Variants in BBS9 observed in about 807,000 individuals in gnomAD.
BBS9 encodes protein PTHB1.
BBS9 carries 89 observed loss-of-function variants against 117.7 expected under a neutral mutation model. That is an observed-to-expected ratio of 0.76 (90% CI 0.64 to 0.90). The LOEUF (loss-of-function observed/expected upper bound fraction) is 0.90. Among genes scored for constraint, BBS9 ranks in the 40% least tolerant of loss-of-function variants. BBS9 has a pLI of 0.00. For missense variants in BBS9, 982 were observed against 1,042.2 expected, an observed-to-expected ratio of 0.94 and a Z score of 0.80; for synonymous variants, 379 against 370.9, an observed-to-expected ratio of 1.02 and a Z score of -0.25.
intron 19 of BBS9, among the ~76,000 whole-genome samples, chr7:33,417,015 T>A (rs1401199070): frequency 6.6e-6 from 1 of 152,166 alleles, no homozygotes; most frequent in Non-Finnish European, 1.5e-5. Context: ...AAAATGTAAT[T>A]GAAATGGTTT....
chr7:33,408,541 G>A (rs183006127), intron 19 of BBS9, among the ~76,000 whole-genome samples: 5 of 152,238 alleles, frequency 3.3e-5, no homozygotes, highest in African/African-American at 1.2e-4. Flanking sequence ...GCTCACGCTG[G>A]GAGCTGTAGA....
At chr7:33,353,386 C>G (rs79650219) in intron 15 of BBS9, among the ~76,000 whole-genome samples, 10,442 of 152,162 alleles carry the variant, frequency 0.069, 404 homozygotes, top group African/African-American at 0.08. Flanking sequence ...CTCCCTCTAA[C>G]TTGCTTGGGT....
intron 19 of BBS9, among the ~76,000 whole-genome samples, chr7:33,421,196 T>C (rs1832810443): frequency 6.6e-6 from 1 of 151,700 alleles, no homozygotes; most frequent in African/African-American, 2.4e-5. Context: ...TTTTTTTTAC[T>C]GTAAACAAAT....
chr7:33,622,838 A>AAT (rs1865473692), intron 21 of BBS9, among the ~76,000 whole-genome samples: 1 of 152,238 alleles, frequency 6.6e-6, no homozygotes, highest in Non-Finnish European at 1.5e-5. Flanking sequence ...AGTTTTCAAT[A>AAT]AGTGTTGCTG....
chr7:33,435,888 C>G (rs1037766454), intron 19 of BBS9, among the ~76,000 whole-genome samples: 2 of 152,154 alleles, frequency 1.3e-5, no homozygotes, highest in African/African-American at 4.8e-5. Context: ...ATATTAGCCA[C>G]TCCTCACAGT....
chr7:33,499,920 A>C (rs1308870346), intron 19 of BBS9, among the ~76,000 whole-genome samples: 8 of 152,220 alleles, frequency 5.3e-5, no homozygotes, highest in Non-Finnish European at 7.3e-5. Context: ...GTAATGTGAG[A>C]TTTTATAGAA....
At chr7:33,384,831 C>T (rs1825737412) in intron 18 of BBS9, among the ~76,000 whole-genome samples, 1 of 151,880 alleles carries the variant, frequency 6.6e-6, no homozygotes, top group Non-Finnish European at 1.5e-5. Flanking sequence ...GTAGTGTGAA[C>T]ATAAAAAGAA....
intron 19 of BBS9, among the ~76,000 whole-genome samples, chr7:33,420,661 C>A (rs1264609735): frequency 2.0e-5 from 3 of 152,024 alleles, no homozygotes; most frequent in South Asian, 4.2e-4. Context: ...GCTTTTTTTT[C>A]TTGGAAAAGA....
intron 9 of BBS9, among the ~76,000 whole-genome samples, chr7:33,288,707 T>C (rs1803398359): frequency 6.6e-6 from 1 of 152,234 alleles, no homozygotes; most frequent in Non-Finnish European, 1.5e-5. Context: ...CATACATTTA[T>C]TGGCTAATGA....
chr7:33,612,108 A>G (rs1864911748), intron 21 of BBS9, among the ~76,000 whole-genome samples: 1 of 147,830 alleles, frequency 6.8e-6, no homozygotes, highest in African/African-American at 2.6e-5. Context: ...TTATTTAAGG[A>G]TGAAAATTAG....
chr7:33,167,677 G>A lies in BBS9; in HGVS notation c.329-9801G>A, dbSNP rs998330117. Among the ~76,000 whole-genome samples the A allele has an allele frequency of 2.6e-5, 4 of 152,030 alleles. No homozygotes were observed. The East Asian group carries it at 7.7e-4, about 29-fold the overall frequency. ...GCCTCCCAAAGTGCTGGGAGTACAA[G>A]CATGAGCCACCACGATCAGCCTTAA... On this transcript the variant is annotated intron_variant, in intron 4 of 22. Coordinates refer to ENST00000242067, the MANE Select transcript of BBS9 (RefSeq NM_198428.3).
chr7:33,206,658 A>C (rs1433211055), intron 5 of BBS9, among the ~76,000 whole-genome samples: 1 of 152,170 alleles, frequency 6.6e-6, no homozygotes, highest in East Asian at 1.9e-4. Flanking sequence ...AAATATTCTT[A>C]TATAACCACA....
chr7:33,603,250 CT>C (rs1014123495), intron 21 of BBS9, among the ~76,000 whole-genome samples: 107 of 151,340 alleles, frequency 7.1e-4, no homozygotes, highest in African/African-American at 2.3e-3. Context: ...ACTTTTCTGC[CT>C]TTTTTTTTCA....
At chr7:33,368,986 A>T (rs962512742) in intron 17 of BBS9, among the ~76,000 whole-genome samples, 6 of 152,176 alleles carry the variant, frequency 3.9e-5, no homozygotes, top group Non-Finnish European at 5.9e-5. Context: ...CTGATTGGTC[A>T]TGATTGCAGT....
intron 4 of BBS9, among the ~76,000 whole-genome samples, chr7:33,160,249 G>A (rs1256874106): frequency 1.3e-5 from 2 of 152,178 alleles, no homozygotes. Flanking sequence ...CCTAACAAAT[G>A]ATGTCTATTT....
intron 21 of BBS9, among the ~76,000 whole-genome samples, chr7:33,543,310 T>G (rs1388541838): frequency 2.2e-5 from 1 of 45,098 alleles, no homozygotes; most frequent in East Asian, 7.8e-4. Context: ...GATGGGATTG[T>G]TTTTTTTTTC....
At chr7:33,197,419 G>A (rs901355839) in intron 5 of BBS9, among the ~76,000 whole-genome samples, 2 of 152,030 alleles carry the variant, frequency 1.3e-5, no homozygotes, top group Admixed American at 6.6e-5. Flanking sequence ...ATTGCCATGA[G>A]AAATGAACAA....
intron 7 of BBS9, among the ~76,000 whole-genome samples, chr7:33,267,043 T>C (rs1798949102): frequency 6.6e-6 from 1 of 152,138 alleles, no homozygotes; most frequent in Non-Finnish European, 1.5e-5. Context: ...ACGCCTGGCA[T>C]ATATCTATAT....
chr7:33,457,727 A>T (rs1838849349), intron 19 of BBS9, among the ~76,000 whole-genome samples: 2 of 152,152 alleles, frequency 1.3e-5, no homozygotes, highest in Admixed American at 1.3e-4. Flanking sequence ...TGATATATTT[A>T]TCTGTAAAAA....
Sources: gnomAD v4.1 joint callset for allele counts (sites outside exome capture counted in the v4.1 genomes callset) on GRCh38, gnomAD v4.1.1 for gene constraint, MANE v1.5 for transcripts, NCBI Gene and HGNC (gene_info 2026-07-23, HGNC 2026-07-21) for gene names.